OXR1: variants seen among roughly 807,000 people sequenced by gnomAD.
OXR1 encodes oxidation resistance protein 1.
Under a neutral mutation model 104.6 loss-of-function variants are expected in OXR1, and 41 were observed. The ratio of observed to expected loss-of-function variants is 0.39; its 90% CI spans 0.31 to 0.51. OXR1 has a LOEUF of 0.51. OXR1 is among the 20% of genes least tolerant of loss of function. OXR1 has a pLI of 0.77. For missense variants in OXR1, 955 were observed against 1,031.9 expected (o/e 0.93, Z 1.02); for synonymous variants, 348 against 348.4 (o/e 1.00, Z 0.01).
At chr8:106,627,947 A>T (rs1822312562) in intron 3 of OXR1, among the ~76,000 whole-genome samples, 1 of 152,140 alleles carries the variant, frequency 6.6e-6, no homozygotes, top group South Asian at 2.1e-4. Context: ...ACACAGAGAG[A>T]TTTACTACAT....
At position 106,683,203 on chromosome 8, in the gene OXR1, A is replaced by T; in HGVS notation, c.308A>T (p.Glu103Val). The part of the protein sequence containing the change: ...KPKGTIEYTV[E>V]SRDSLNSIAL... ...TTTATTTTTTCTTTTAAACAGGTTG[A>T]ATCAAGGGATTCTTTGAATAGCATA... Residue 103 changes from glutamate (E) to valine (V), a missense_variant, in exon 5 of 17, where the codon GAA (glutamate) becomes GTA (valine). Physicochemically the swap from Glu to Val is moderately radical, Grantham distance 121. Coordinates refer to ENST00000517566, the MANE Select transcript of OXR1 (RefSeq NM_001198533.2). 6.6e-7 allele frequency: 1 copy of T among 1,514,848 alleles called. No homozygotes were observed. Among genetic ancestry groups the T allele is most frequent in the Non-Finnish European group, 9.1e-7 (1 of 1,093,980 alleles). 93.8% of individuals were successfully genotyped at this position (1,514,848 alleles called of 1,614,324 possible). A position where few individuals can be genotyped will look rare whatever the true frequency, so the allele number is the denominator to read the frequency against.
At chr8:106,560,177 G>A (rs992608914) in intron 3 of OXR1, among the ~76,000 whole-genome samples, 1 of 152,144 alleles carries the variant, frequency 6.6e-6, no homozygotes, top group Non-Finnish European at 1.5e-5. Context: ...ATGATTCCTA[G>A]TGGTACTAAA....
chr8:106,322,668 A>T (rs979319103), intron 1 of OXR1, among the ~76,000 whole-genome samples: 1 of 152,232 alleles, frequency 6.6e-6, no homozygotes, highest in Non-Finnish European at 1.5e-5. Context: ...CTTCCAGCTG[A>T]TAAACAACTT....
At chr8:106,397,925 G>T (rs921017913) in intron 2 of OXR1, among the ~76,000 whole-genome samples, 1 of 152,062 alleles carries the variant, frequency 6.6e-6, no homozygotes, top group Non-Finnish European at 1.5e-5. Flanking sequence ...CCTTCTGAAG[G>T]CTGAGGCAGA....
At chr8:106,422,971 C>G (rs190672586) in intron 2 of OXR1, among the ~76,000 whole-genome samples, 19 of 152,260 alleles carry the variant, frequency 1.2e-4, no homozygotes, top group Admixed American at 5.9e-4. Context: ...AGACAATCCC[C>G]TGGCTGGCCA....
intron 2 of OXR1, among the ~76,000 whole-genome samples, chr8:106,454,847 G>C (rs1416340549): frequency 3.3e-5 from 5 of 152,086 alleles, no homozygotes; most frequent in African/African-American, 2.4e-5. Context: ...TCATTCCAAT[G>C]TAATTGCCAT....
At chr8:106,429,697 G>A (rs1165782475) in intron 2 of OXR1, among the ~76,000 whole-genome samples, 2 of 151,356 alleles carry the variant, frequency 1.3e-5, no homozygotes, top group Non-Finnish European at 2.9e-5. Flanking sequence ...ATCAGATAAT[G>A]TGTGATATAG....
In OXR1 at chr8:106,706,385, T is replaced by C. The variant is rs2131373233; in HGVS notation, c.864T>C (p.Asp288=). 1.3e-6 allele frequency: 2 copies of C among 1,564,324 alleles called. No individual in the cohort carries two copies. Among genetic ancestry groups the C allele is most frequent in the Non-Finnish European group, 1.7e-6 (2 of 1,163,678 alleles). Reference sequence around the variant, plus strand: ...TTTTAATTTTGTTTAATGACAGAGATATAGATCAGCTATCAGGAAGGGACT... The same window carrying C: ...TTTTAATTTTGTTTAATGACAGAGACATAGATCAGCTATCAGGAAGGGACT... ...DSKIKESLPI[D]IDQLSGRDFC... Residue 288 remains aspartate (D), a synonymous_variant, in exon 9 of 17, where the codon GAT becomes GAC. Coordinates refer to ENST00000517566, the MANE Select transcript of OXR1 (RefSeq NM_001198533.2).
intron 2 of OXR1, among the ~76,000 whole-genome samples, chr8:106,446,628 A>T (rs1322318669): frequency 6.6e-6 from 1 of 151,840 alleles, no homozygotes; most frequent in Non-Finnish European, 1.5e-5. Context: ...AAAAAAAAAA[A>T]AACTAAAAAA....
At chr8:106,518,077 G>A (rs1310250566) in intron 2 of OXR1, among the ~76,000 whole-genome samples, 1 of 152,162 alleles carries the variant, frequency 6.6e-6, no homozygotes, top group Non-Finnish European at 1.5e-5. Flanking sequence ...GAAAAGGGAA[G>A]CCAACGTACT....
At chr8:106,747,266 C>T (rs1440504772) in intron 16 of OXR1, among the ~76,000 whole-genome samples, 1 of 152,168 alleles carries the variant, frequency 6.6e-6, no homozygotes, top group Non-Finnish European at 1.5e-5. Context: ...GGAGATTAAA[C>T]CAGTTTTGTA....
intron 11 of OXR1, among the ~76,000 whole-genome samples, chr8:106,717,289 A>G (rs1312263600): frequency 6.6e-6 from 1 of 152,220 alleles, no homozygotes; most frequent in South Asian, 2.1e-4. Context: ...TTAAAACAGG[A>G]AGAATTTGGC....
chr8:106,569,763 T>G (rs1817342392), intron 3 of OXR1, among the ~76,000 whole-genome samples: 1 of 152,218 alleles, frequency 6.6e-6, no homozygotes, highest in African/African-American at 2.4e-5. Flanking sequence ...GTAAATAATG[T>G]TTTACATGCA....
At chr8:106,745,016 C>G (rs1309121386) in intron 15 of OXR1, among the ~76,000 whole-genome samples, 1 of 152,092 alleles carries the variant, frequency 6.6e-6, no homozygotes, top group Non-Finnish European at 1.5e-5. Context: ...GGTGCCTATT[C>G]TCAAACTTTT....
intron 2 of OXR1, among the ~76,000 whole-genome samples, chr8:106,485,219 C>T (rs1810570228): frequency 6.6e-6 from 1 of 151,980 alleles, no homozygotes; most frequent in African/African-American, 2.4e-5. Context: ...AGTGAAAATA[C>T]TCTGTATGAT....
At chr8:106,611,067 G>A (rs1057207366) in intron 3 of OXR1, among the ~76,000 whole-genome samples, 7 of 152,134 alleles carry the variant, frequency 4.6e-5, no homozygotes, top group African/African-American at 1.7e-4. Context: ...CAATGAGATG[G>A]GTAGTATCAG....
intron 2 of OXR1, among the ~76,000 whole-genome samples, chr8:106,409,425 C>T (rs748505113): frequency 1.3e-5 from 2 of 152,044 alleles, no homozygotes; most frequent in Admixed American, 6.6e-5. Context: ...CAGCAAAACT[C>T]TGTCCAAACA....
At chr8:106,479,811 G>A (rs1031856781) in intron 2 of OXR1, among the ~76,000 whole-genome samples, 1 of 151,812 alleles carries the variant, frequency 6.6e-6, no homozygotes, top group East Asian at 1.9e-4. Context: ...AAGTGGAAGC[G>A]GCACTTGGGA....
intron 2 of OXR1, among the ~76,000 whole-genome samples, chr8:106,469,046 G>C (rs1821345375): frequency 6.6e-6 from 1 of 151,556 alleles, no homozygotes. Context: ...GTGTGTGTGT[G>C]TAGTATATGT....
Sources: gnomAD v4.1 joint callset for allele counts (sites outside exome capture counted in the v4.1 genomes callset) on GRCh38, gnomAD v4.1.1 for gene constraint, MANE v1.5 for transcripts, NCBI Gene and HGNC (gene_info 2026-07-23, HGNC 2026-07-21) for gene names.